Variants in MYLK3 observed in about 807,000 individuals in gnomAD.
MYLK3 encodes myosin light chain kinase 3.
MYLK3 carries 55 observed loss-of-function variants against 76.3 expected under a neutral mutation model. The ratio of observed to expected loss-of-function variants is 0.72; its 90% CI spans 0.58 to 0.90. MYLK3 has a LOEUF of 0.90. MYLK3 is among the 40% of genes least tolerant of loss of function. The pLI, the probability that MYLK3 is intolerant of heterozygous loss-of-function variation, is 0.00. For synonymous variants in MYLK3, 416 were observed against 425.4 expected (o/e 0.98, Z 0.27); for missense variants, 973 against 1,053.6 (o/e 0.92, Z 1.06).
chr16:46,714,832 T>A (rs534305755), intron 9 of MYLK3, among the ~76,000 whole-genome samples: 3 of 152,312 alleles, frequency 2.0e-5, no homozygotes, highest in African/African-American at 7.2e-5. Context: ...CACCCTGGAT[T>A]CAAGCCCAAC....
At chr16:46,726,105 T>G (rs1422327015) in intron 8 of MYLK3, 1 of 152,222 alleles carries the variant, frequency 6.6e-6, no homozygotes, top group Non-Finnish European at 1.5e-5. Context: ...TCACTTGTTT[T>G]TGTTTGCTTT....
intron 11 of MYLK3, 77 bp from the exon 12 acceptor site, chr16:46,709,748 G>C (rs916440176): frequency 1.3e-6 from 2 of 1,533,820 alleles, no homozygotes; most frequent in Admixed American, 3.9e-5. Flanking sequence ...ACTTGAGTAG[G>C]AAGCCTGAGT....
chr16:46,709,477 GT>G, intron 12 of MYLK3, 61 bp downstream of exon 12: 1 of 1,512,900 alleles, frequency 6.6e-7, no homozygotes. Context: ...CTTAGCTACA[GT>G]TTTTTCCAAG....
intron 4 of MYLK3, 143 bp from the exon 5 acceptor site, chr16:46,730,841 T>A (rs1966851219): frequency 7.3e-6 from 5 of 682,034 alleles, no homozygotes; most frequent in Non-Finnish European, 1.3e-5. Context: ...CTCCAAACCA[T>A]CTCAGTAGAG....
chr16:46,757,176 T>C (rs1967211280), intron 1 of MYLK3, among the ~76,000 whole-genome samples: 1 of 146,492 alleles, frequency 6.8e-6, no homozygotes, highest in Non-Finnish European at 1.5e-5. Context: ...CAGAGTTTAA[T>C]GCGGACAACT....
intron 1 of MYLK3, among the ~76,000 whole-genome samples, chr16:46,742,445 A>ACACACACACAC (rs879874157): frequency 7.7e-6 from 1 of 130,204 alleles, no homozygotes; most frequent in Non-Finnish European, 1.6e-5. Context: ...AATCCCAGCA[A>ACACACACACAC]AAACACACAC....
chr16:46,737,915 G>A lies in MYLK3; in HGVS notation c.797C>T (p.Pro266Leu), dbSNP rs1329249080. The A allele has an allele frequency of 6.2e-7, 1 of 1,614,190 alleles. No individual in the cohort carries two copies. ...ENLRTGLELA[P>L]APGRVNVVSP... ...GACCACATTGACCCTGCCGGGTGCT[G>A]GAGCCAATTCCAGGCCAGTCCTGAG... is the stretch of plus-strand genomic sequence containing the variant. Residue 266 changes from proline to leucine, a missense_variant, in exon 3 of 13, where the codon CCA (proline) becomes CTA (leucine). Physicochemically the swap from Pro to Leu is moderately conservative, Grantham distance 98. This residue lies in a region of MYLK3 where 641 missense variants were observed against 637.0 expected (regional missense o/e 1.01). Coordinates refer to ENST00000394809, the MANE Select transcript of MYLK3 (RefSeq NM_182493.3).
chr16:46,709,597 T>A lies in MYLK3; in HGVS notation c.2342A>T (p.Lys781Ile). 6.2e-7 allele frequency: 1 copy of A among 1,614,216 alleles called. No homozygotes were observed. The highest frequency in any genetic ancestry group is 8.5e-7 in the Non-Finnish European group (1 of 1,180,042). ...CAGTAGTTGGGATTTGAGACGAGTT[T>A]TGGATCTTGAAGCTTTGGCAGGCAA... The part of the protein sequence containing the change: ...NNLPAKASRS[K>I]TRLKSQLLLQ... The change falls in exon 12 of 13, where the codon AAA becomes ATA. Residue 781 changes from lysine (K) to isoleucine (I), a missense_variant. By Grantham distance (102) the Lys-to-Ile change is moderately radical. Transcript: ENST00000394809.
At chr16:46,739,145 A>C (rs1008965622) in intron 2 of MYLK3, among the ~76,000 whole-genome samples, 1 of 151,876 alleles carries the variant, frequency 6.6e-6, no homozygotes, top group Non-Finnish European at 1.5e-5. Context: ...CCGGCCTCTT[A>C]TTTTGAAGTA....
chr16:46,729,791 C>G lies in MYLK3; in HGVS notation c.1569-104G>C. The G allele has an allele frequency of 5.3e-6, 5 of 937,680 alleles. No individual in the cohort carries two copies. In the South Asian group the frequency reaches 7.1e-5, roughly 13 times the overall value. 58.1% of individuals were successfully genotyped at this position (937,680 alleles called of 1,614,324 possible). A position where few individuals can be genotyped will look rare whatever the true frequency, so the allele number is the denominator to read the frequency against. ...TCATCCACACACAGGCCATGTGGACCATCCTACATCCCAGAGTGCAGCCTG... is the reference window on the plus strand; with the variant it reads ...TCATCCACACACAGGCCATGTGGACGATCCTACATCCCAGAGTGCAGCCTG... On this transcript the variant is annotated intron_variant, in intron 5 of 12. Transcript: ENST00000394809.
chr16:46,757,643 C>A, intron 1 of MYLK3: 1 of 975,544 alleles, frequency 1.0e-6, no homozygotes, highest in Non-Finnish European at 1.2e-6. Context: ...CAGGCAGGAG[C>A]GATAAGCCTG....
At position 46,733,349 on chromosome 16, in the gene MYLK3, C is replaced by A. The variant is rs140793046; in HGVS notation, c.1002-681G>T. 3.9e-5 allele frequency among the ~76,000 whole-genome samples: 6 copies of A among 152,160 alleles called. No individual in the cohort carries two copies. The East Asian group carries it at 1.2e-3, about 29-fold the overall frequency. On this transcript the variant is annotated intron_variant, in intron 3 of 12. Transcript: ENST00000394809. ...CAGCCTGGGCGACAGAGTGAGAGAC[C>A]CTGTCTCAAAAACTAAAATAAAATA...
rs770377627 is a variant in MYLK3 at position 46,705,519 on chromosome 16, A to C, written c.*2185T>G. ...ACTCCAGCCTGGGTGACAGAGGAAG[A>C]CTCTCTCAAAAAAAATAAAAAACTA... On this transcript the variant is annotated 3_prime_UTR_variant, in exon 13 of 13. Coordinates refer to ENST00000394809, the MANE Select transcript of MYLK3 (RefSeq NM_182493.3). 1.3e-5 allele frequency: 2 copies of C among 151,592 alleles called. No individual in the cohort carries two copies. The highest frequency in any genetic ancestry group is 2.4e-5 in the African/African-American group (1 of 41,190). 9.4% of individuals were successfully genotyped at this position (151,592 alleles called of 1,614,324 possible). A position where few individuals can be genotyped will look rare whatever the true frequency, so the allele number is the denominator to read the frequency against.
At chr16:46,730,373 G>A (rs530407948) in intron 5 of MYLK3, among the ~76,000 whole-genome samples, 16 of 152,042 alleles carry the variant, frequency 1.1e-4, no homozygotes, top group Middle Eastern at 3.4e-3. Context: ...TCCCCTCCCC[G>A]ATGCCACGTG....
rs774275312 is a variant in MYLK3, at chr16:46,740,104, A to C, written c.521T>G (p.Val174Gly). Residue 174 changes from valine to glycine, a missense_variant, in exon 2 of 13, where the codon GTG becomes GGG. Val to Gly is a moderately radical substitution (Grantham distance 109). This residue lies in a region of MYLK3 where 641 missense variants were observed against 637.0 expected (regional missense o/e 1.01). Coordinates refer to ENST00000394809, the MANE Select transcript of MYLK3 (RefSeq NM_182493.3). ...AGACTGCACCCCACTGGTGCTCAGC[A>C]CATGCTTTGGTTTTCCTCCCTCTTC... ...VEEEGGKPKH[V>G]LSTSGVQSDA... 17 of 1,613,724 alleles carry C rather than the reference A, an allele frequency of 1.1e-5. No individual in the cohort carries two copies. Among genetic ancestry groups the C allele is most frequent in the Non-Finnish European group, 1.4e-5 (17 of 1,179,858 alleles).
At chr16:46,746,341 G>A (rs1188618789) in intron 1 of MYLK3, among the ~76,000 whole-genome samples, 1 of 152,176 alleles carries the variant, frequency 6.6e-6, no homozygotes, top group East Asian at 1.9e-4. Context: ...ATAGGACTAA[G>A]TACATTTTGA....
intron 1 of MYLK3, among the ~76,000 whole-genome samples, chr16:46,753,617 A>C (rs1967157900): frequency 6.6e-6 from 1 of 152,370 alleles, no homozygotes; most frequent in Non-Finnish European, 1.5e-5. Flanking sequence ...AGTTTCAAAA[A>C]GGCTGTCATT....
chr16:46,724,253 A>T (rs1966828291), intron 8 of MYLK3, among the ~76,000 whole-genome samples: 1 of 152,056 alleles, frequency 6.6e-6, no homozygotes, highest in African/African-American at 2.4e-5. Flanking sequence ...TCTGTGAGCT[A>T]TTATTTTACT....
upstream of MYLK3, among the ~76,000 whole-genome samples, chr16:46,753,304 C>G (rs1044790930): frequency 6.6e-6 from 1 of 152,174 alleles, no homozygotes; most frequent in Admixed American, 6.5e-5. Context: ...AAGGGCCTGA[C>G]CAGGCCCACC....
Sources: gnomAD v4.1 joint callset for allele counts (sites outside exome capture counted in the v4.1 genomes callset) on GRCh38, gnomAD v4.1.1 for gene constraint, gnomAD v4.1.1 regional missense constraint, MANE v1.5 for transcripts, NCBI Gene and HGNC (gene_info 2026-07-23, HGNC 2026-07-21) for gene names.